Variants in TERB1 observed in about 807,000 individuals in gnomAD.
The protein encoded by TERB1 is telomere repeats-binding bouquet formation protein 1.
A neutral mutation model predicts 92.3 loss-of-function variants in TERB1; 63 were observed. That is an observed-to-expected ratio of 0.68 (90% CI 0.56 to 0.84). The LOEUF is 0.84. Ranked by LOEUF, TERB1 falls within the 40% of genes least tolerant of loss-of-function variation. The pLI is 0.00. For synonymous variants in TERB1, 252 were observed against 283.9 expected, an observed-to-expected ratio of 0.89 and a Z score of 1.13; for missense variants, 709 against 843.7, an observed-to-expected ratio of 0.84 and a Z score of 1.98.
intron 13 of TERB1, 54 bp from the exon 14 acceptor site, chr16:66,770,363 C>T (rs980889482): frequency 2.4e-5 from 26 of 1,103,944 alleles, no homozygotes; most frequent in African/African-American, 4.8e-5. Flanking sequence ...CTTTATAATC[C>T]AATTTATACT....
At chr16:66,794,319 CA>C (rs2018889729) in intron 3 of TERB1, among the ~76,000 whole-genome samples, 1 of 152,094 alleles carries the variant, frequency 6.6e-6, no homozygotes, top group Non-Finnish European at 1.5e-5. Flanking sequence ...AGGCTGGTTT[CA>C]AACTCCTGAG....
At chr16:66,761,837 A>C (rs1354556624) in intron 16 of TERB1, among the ~76,000 whole-genome samples, 1 of 152,060 alleles carries the variant, frequency 6.6e-6, no homozygotes, top group Non-Finnish European at 1.5e-5. Flanking sequence ...GGCAGATCAC[A>C]AGGTCAGGAG....
At chr16:66,793,148 G>C (rs2145241302) in intron 3 of TERB1, among the ~76,000 whole-genome samples, 1 of 149,310 alleles carries the variant, frequency 6.7e-6, no homozygotes, top group East Asian at 2.0e-4. Flanking sequence ...AGCATACTAA[G>C]AGAAATTAAG....
intron 16 of TERB1, among the ~76,000 whole-genome samples, chr16:66,760,961 A>G (rs2145063606): frequency 7.0e-6 from 1 of 141,970 alleles, no homozygotes; most frequent in Non-Finnish European, 1.5e-5. Flanking sequence ...AAAATACAAA[A>G]ATTAGCCAGG....
At chr16:66,760,390 C>T (rs113708756) in intron 16 of TERB1, among the ~76,000 whole-genome samples, 4 of 135,810 alleles carry the variant, frequency 2.9e-5, no homozygotes, top group Admixed American at 1.5e-4. Context: ...ACCCGCCAGG[C>T]GGAGGCTGCA....
At chr16:66,761,465 A>AAAAAG (rs1555507527) in intron 16 of TERB1, among the ~76,000 whole-genome samples, 1 of 149,098 alleles carries the variant, frequency 6.7e-6, no homozygotes, top group African/African-American at 2.5e-5. Flanking sequence ...AAAAAAAAAA[A>AAAAAG]AAAGAAAGAA....
intron 16 of TERB1, among the ~76,000 whole-genome samples, chr16:66,764,281 T>A (rs985444790): frequency 6.6e-6 from 1 of 152,182 alleles, no homozygotes; most frequent in East Asian, 1.9e-4. Context: ...GAGGTAAAAT[T>A]AGCAGGGTTT....
intron 14 of TERB1, among the ~76,000 whole-genome samples, chr16:66,769,473 G>GTCT (rs773546503): frequency 5.3e-5 from 8 of 152,274 alleles, no homozygotes; most frequent in Non-Finnish European, 1.2e-4. Flanking sequence ...CAAACTAACT[G>GTCT]CAAGGGAAAA....
intron 16 of TERB1, among the ~76,000 whole-genome samples, chr16:66,765,032 T>C (rs866492192): frequency 3.9e-5 from 6 of 152,340 alleles, no homozygotes; most frequent in Middle Eastern, 3.4e-3. Context: ...GTAGGTGCTA[T>C]AGACTAGGTC....
intron 16 of TERB1, among the ~76,000 whole-genome samples, chr16:66,765,849 A>ATTTTTTTTTTTTTTTTTTT (rs10564947): frequency 3.2e-5 from 2 of 62,460 alleles, no homozygotes; most frequent in Non-Finnish European, 5.5e-5. Flanking sequence ...ACTATTGGGT[A>ATTTTTTTTTTTTTTTTTTT]TTTTTTTTTT....
chr16:66,772,350 C>T (rs1453722992), intron 13 of TERB1, among the ~76,000 whole-genome samples: 4 of 152,020 alleles, frequency 2.6e-5, no homozygotes, highest in East Asian at 1.9e-4. Flanking sequence ...GGTGTGGTGG[C>T]GCACATCTGT....
intron 16 of TERB1, among the ~76,000 whole-genome samples, chr16:66,761,869 A>G (rs2018256144): frequency 6.6e-6 from 1 of 152,204 alleles, no homozygotes; most frequent in African/African-American, 2.4e-5. Context: ...CCTGGCCAAC[A>G]TGGTGAAACC....
At chr16:66,798,720 T>C (rs1233188748) in intron 2 of TERB1, among the ~76,000 whole-genome samples, 3 of 152,322 alleles carry the variant, frequency 2.0e-5, no homozygotes, top group Admixed American at 6.5e-5. Flanking sequence ...TTAACACTTG[T>C]CTTTAGTTGG....
chr16:66,790,475 T>C (rs1028500307), intron 5 of TERB1, 120 bp downstream of exon 5: 3 of 699,392 alleles, frequency 4.3e-6, no homozygotes, highest in Non-Finnish European at 6.6e-6. Flanking sequence ...GGAGGCTAGA[T>C]AAAATTATTC....
At position 66,772,822 on chromosome 16, in the gene TERB1, C is replaced by T. The variant is rs999036948; in HGVS notation, c.1112-73G>A. ...TTATATATAAGGACAACTTCACAGCCCACCCTCTCCTTTCTCTAAATTTTT... is the reference window on the plus strand; with the variant it reads ...TTATATATAAGGACAACTTCACAGCTCACCCTCTCCTTTCTCTAAATTTTT... On this transcript the variant is annotated intron_variant, in intron 12 of 18. Coordinates refer to ENST00000433154, the MANE Select transcript of TERB1 (RefSeq NM_001136505.2). 28 of 1,131,528 alleles carry T rather than the reference C, an allele frequency of 2.5e-5. No homozygotes were observed. The Admixed American group carries it at 6.2e-4, about 25-fold the overall frequency. The allele number at this position is 1,131,528 out of a possible 1,614,324, so 70.1% of individuals were successfully genotyped here.
chr16:66,759,347 T>C (rs1597006529), intron 16 of TERB1, 57 bp from the exon 17 acceptor site: 6 of 1,329,208 alleles, frequency 4.5e-6, no homozygotes, highest in African/African-American at 1.5e-5. Context: ...TAGTAACAAA[T>C]CTATGATAGC....
intron 17 of TERB1, 54 bp from the exon 18 acceptor site, chr16:66,758,892 C>T: frequency 8.8e-7 from 1 of 1,139,736 alleles, no homozygotes; most frequent in Non-Finnish European, 1.3e-6. Flanking sequence ...TGAGTAATAG[C>T]ATATCAATTC....
intron 16 of TERB1, among the ~76,000 whole-genome samples, chr16:66,760,130 C>CAAAAAA (rs148772308): frequency 7.3e-4 from 17 of 23,342 alleles, no homozygotes; most frequent in Non-Finnish European, 1.1e-3. Context: ...GACTCCATCT[C>CAAAAAA]AAAAAAAAAA....
rs1420858464 is a variant in TERB1, at chr16:66,770,229, A to G, written c.1353T>C (p.His451=). ...ISIQNTWKHL[H]ADRIGRGSKA... ...TGCTACCTCGACCAATCCGATCTGC[A>G]TGGAGATGTTTCCATGTATTCTGAA... The change falls in exon 14 of 19, where the codon CAT becomes CAC. Residue 451 remains histidine (H), a synonymous_variant. Transcript: ENST00000433154. 1.9e-6 allele frequency: 3 copies of G among 1,552,308 alleles called. No homozygotes were observed. The highest frequency in any genetic ancestry group is 4.9e-5 in the East Asian group (2 of 40,912).
Sources: gnomAD v4.1 joint callset for allele counts (sites outside exome capture counted in the v4.1 genomes callset) on GRCh38, gnomAD v4.1.1 for gene constraint, MANE v1.5 for transcripts, NCBI Gene and HGNC (gene_info 2026-07-23, HGNC 2026-07-21) for gene names.